ENOX1: variants seen among roughly 807,000 people sequenced by gnomAD.
ENOX1 encodes ecto-NOX disulfide-thiol exchanger 1, also known as candidate growth-related and time keeping constitutive hydroquinone (NADH) oxidase.
A neutral mutation model predicts 82.5 loss-of-function variants in ENOX1; 42 were observed. The ratio of observed to expected loss-of-function variants is 0.51; its 90% CI spans 0.40 to 0.66. The LOEUF is 0.66. ENOX1 is among the 30% of genes least tolerant of loss of function. ENOX1 has a pLI of 0.00. For synonymous variants in ENOX1, 271 were observed against 282.2 expected (o/e 0.96, Z 0.40); for missense variants, 608 against 811.6 (o/e 0.75, Z 3.05).
chr13:43,404,163 C>T (rs555087946), intron 5 of ENOX1, among the ~76,000 whole-genome samples: 4 of 152,274 alleles, frequency 2.6e-5, no homozygotes, highest in Admixed American at 6.5e-5. Context: ...AATAAAGAAA[C>T]AAAACACACG....
At chr13:43,216,301 T>G (rs2041479144) in intron 16 of ENOX1, among the ~76,000 whole-genome samples, 1 of 152,240 alleles carries the variant, frequency 6.6e-6, no homozygotes, top group Non-Finnish European at 1.5e-5. Flanking sequence ...AATTCTCAGT[T>G]TCTTCAGGTG....
In ENOX1 at chr13:43,412,835, T is replaced by G. The variant is rs374387995; in HGVS notation, c.70+10A>C. 13 of 1,613,928 alleles carry G rather than the reference T, an allele frequency of 8.1e-6. No individual in the cohort carries two copies. The Admixed American group carries it at 1.8e-4, about 23-fold the overall frequency. On this transcript the variant is annotated intron_variant, in intron 4 of 16. Coordinates refer to ENST00000690772, the MANE Select transcript of ENOX1 (RefSeq NM_001347969.2). ...CTTGTTTGTGTCCTGTGCTGGCCAC[T>G]GGCATTTACCTGCAGCCATCATCTG...
intron 1 of ENOX1, among the ~76,000 whole-genome samples, chr13:43,705,861 T>G (rs1326019911): frequency 6.6e-6 from 1 of 152,160 alleles, no homozygotes; most frequent in Non-Finnish European, 1.5e-5. Flanking sequence ...AAAATTCATA[T>G]AGTACACATT....
At chr13:43,620,386 G>T (rs1372456418) in intron 2 of ENOX1, among the ~76,000 whole-genome samples, 2 of 151,854 alleles carry the variant, frequency 1.3e-5, no homozygotes, top group African/African-American at 4.8e-5. Context: ...GGGGTTTTGG[G>T]TTATGCTTTC....
intron 2 of ENOX1, among the ~76,000 whole-genome samples, chr13:43,583,614 T>C (rs1469264873): frequency 6.6e-6 from 1 of 152,132 alleles, no homozygotes; most frequent in Non-Finnish European, 1.5e-5. Flanking sequence ...CCAATCTAAA[T>C]ATTAACTCAA....
At chr13:43,354,834 G>C (rs960967) in intron 8 of ENOX1, among the ~76,000 whole-genome samples, 1 of 152,150 alleles carries the variant, frequency 6.6e-6, no homozygotes, top group African/African-American at 2.4e-5. Flanking sequence ...CCTCTAACTA[G>C]AATGCCTTTA....
chr13:43,459,026 A>G (rs1299700121), intron 3 of ENOX1: 1 of 152,212 alleles, frequency 6.6e-6, no homozygotes, highest in Non-Finnish European at 1.5e-5. Flanking sequence ...AACTTCAGCT[A>G]AATGTTTTAA....
intron 16 of ENOX1, among the ~76,000 whole-genome samples, chr13:43,221,944 T>G (rs1290772413): frequency 6.6e-6 from 1 of 152,114 alleles, no homozygotes; most frequent in Non-Finnish European, 1.5e-5. Flanking sequence ...AAGCATGTGG[T>G]CTGATCCCTG....
At position 43,600,758 on chromosome 13, in the gene ENOX1, A is replaced by C. The variant is rs1462188722; in HGVS notation, c.-219+66721T>G. On this transcript the variant is annotated intron_variant, in intron 2 of 16. Transcript: ENST00000690772. ...GCTGGCTTCAGGTCTCACACAGCACAATCCCAATAATGGTGGCCACAGGGA... is the reference window on the plus strand; with the variant it reads ...GCTGGCTTCAGGTCTCACACAGCACCATCCCAATAATGGTGGCCACAGGGA... 2.0e-5 allele frequency among the ~76,000 whole-genome samples: 3 copies of C among 152,200 alleles called. No individual in the cohort carries two copies. The East Asian group carries it at 5.8e-4, about 29-fold the overall frequency.
At chr13:43,557,673 C>T (rs572659742) in intron 2 of ENOX1, among the ~76,000 whole-genome samples, 1 of 152,034 alleles carries the variant, frequency 6.6e-6, no homozygotes, top group Non-Finnish European at 1.5e-5. Context: ...TGGTGCATAC[C>T]CATAGTTCCA....
intron 9 of ENOX1, among the ~76,000 whole-genome samples, chr13:43,338,915 G>T (rs2048894770): frequency 6.6e-6 from 1 of 152,084 alleles, no homozygotes; most frequent in Admixed American, 6.5e-5. Context: ...TCGATCTCCT[G>T]ACCTCGTGAT....
Position 43,779,492 on chromosome 13 carries a change from A to G in ENOX1, c.-285+7160T>C, listed in dbSNP as rs146291999. On this transcript the variant is annotated intron_variant, in intron 1 of 16. Coordinates refer to ENST00000690772, the MANE Select transcript of ENOX1 (RefSeq NM_001347969.2). ...CACGGGAGAGAAACCCCAGGTGGGG[A>G]ATAGGAGGTACTTGCAGAATTGCAT... Among the ~76,000 whole-genome samples the G allele has an allele frequency of 3.0e-4, 46 of 152,286 alleles. No homozygotes were observed. The East Asian group carries it at 8.5e-3, about 28-fold the overall frequency.
chr13:43,698,596 C>CA, intron 1 of ENOX1, among the ~76,000 whole-genome samples: 1 of 151,882 alleles, frequency 6.6e-6, no homozygotes, highest in East Asian at 1.9e-4. Flanking sequence ...TAAAAATTCA[C>CA]AAAAATGAAG....
chr13:43,322,652 A>C, intron 10 of ENOX1, 151 bp from the exon 11 acceptor site: 1 of 651,468 alleles, frequency 1.5e-6, no homozygotes, highest in Non-Finnish European at 2.6e-6. Context: ...GGAGGTTCTG[A>C]GGGGTGTGGG....
At chr13:43,677,580 T>G (rs1194309754) in intron 1 of ENOX1, among the ~76,000 whole-genome samples, 3 of 152,190 alleles carry the variant, frequency 2.0e-5, no homozygotes, top group Non-Finnish European at 2.9e-5. Context: ...CTTCAAATCT[T>G]GAGCCCAATG....
intron 1 of ENOX1, among the ~76,000 whole-genome samples, chr13:43,689,555 A>C (rs1395287091): frequency 1.3e-5 from 2 of 152,204 alleles, no homozygotes; most frequent in East Asian, 3.9e-4. Flanking sequence ...AAAATGGCAA[A>C]ATCAGCTTCT....
intron 5 of ENOX1, among the ~76,000 whole-genome samples, chr13:43,364,791 G>A (rs868264876): frequency 6.6e-6 from 1 of 152,190 alleles, no homozygotes; most frequent in South Asian, 2.1e-4. Context: ...AGTTTGAGGA[G>A]AGGATAAAGG....
chr13:43,682,503 T>C (rs2085842474), intron 1 of ENOX1, among the ~76,000 whole-genome samples: 1 of 152,198 alleles, frequency 6.6e-6, no homozygotes, highest in African/African-American at 2.4e-5. Context: ...CTTTTTCTGT[T>C]AATTTTTCTT....
At chr13:43,540,346 C>T (rs981875046) in intron 2 of ENOX1, among the ~76,000 whole-genome samples, 3 of 152,042 alleles carry the variant, frequency 2.0e-5, no homozygotes, top group Admixed American at 2.0e-4. Context: ...TCACAATGTC[C>T]TAAAGCCAAC....
Sources: allele counts gnomAD v4.1 joint callset (sites outside exome capture counted in the v4.1 genomes callset), GRCh38; gene constraint gnomAD v4.1.1; transcripts MANE v1.5; gene names NCBI Gene and HGNC (gene_info 2026-07-23, HGNC 2026-07-21).